The following LPP variants were observed in gnomAD, a reference collection of about 807,000 sequenced individuals.
The protein encoded by LPP is lipoma-preferred partner.
LPP carries 38 observed loss-of-function variants against 60.4 expected under a neutral mutation model. The observed-to-expected ratio is 0.63, with a 90% CI of 0.49 to 0.83. LPP has a LOEUF of 0.83. LPP is among the 40% of genes least tolerant of loss of function. LPP has a pLI of 0.00. For missense variants in LPP, 902 were observed against 783.6 expected (o/e 1.15, Z -1.80); for synonymous variants, 328 against 290.8 (o/e 1.13, Z -1.30).
intron 6 of LPP, among the ~76,000 whole-genome samples, chr3:188,608,502 C>T (rs925394868): frequency 3.0e-4 from 10 of 33,376 alleles, no homozygotes; most frequent in African/African-American, 5.7e-4. Context: ...GATATATTTC[C>T]GGGCTCTCTG....
In LPP at chr3:188,715,773, A is replaced by T. The variant is rs573265686; in HGVS notation, c.1240+7380A>T. 1.1e-4 allele frequency among the ~76,000 whole-genome samples: 16 copies of T among 152,310 alleles called. No individual in the cohort carries two copies. The East Asian group carries it at 2.9e-3, about 28-fold the overall frequency. ...TAAGAGAAAGCGTGTTTGTATATGA[A>T]GCTTTTCATACATGCATGTCTGTGA... On this transcript the variant is annotated intron_variant, in intron 8 of 11. Coordinates refer to ENST00000617246, the MANE Select transcript of LPP (RefSeq NM_001375462.1).
At chr3:188,709,272 A>G (rs1236249723) in intron 8 of LPP, 1 of 152,232 alleles carries the variant, frequency 6.6e-6, no homozygotes, top group Non-Finnish European at 1.5e-5. Context: ...AGACAAGCAT[A>G]CAAATAATTA....
At chr3:188,466,223 G>A (rs982170560) in intron 4 of LPP, among the ~76,000 whole-genome samples, 7 of 152,070 alleles carry the variant, frequency 4.6e-5, no homozygotes, top group African/African-American at 1.4e-4. Context: ...GTCATTCATT[G>A]GTATTGTCCA....
chr3:188,520,825 A>G (rs1226149778), intron 5 of LPP, among the ~76,000 whole-genome samples: 1 of 152,218 alleles, frequency 6.6e-6, no homozygotes, highest in African/African-American at 2.4e-5. Context: ...AGCATTAGTC[A>G]GGAGAATCTT....
At chr3:188,851,807 A>G (rs1306906184) in intron 9 of LPP, among the ~76,000 whole-genome samples, 1 of 152,186 alleles carries the variant, frequency 6.6e-6, no homozygotes, top group Non-Finnish European at 1.5e-5. Context: ...TTTACTCCAA[A>G]AATTAGTGTC....
chr3:188,473,530 A>G (rs948539610), intron 4 of LPP, among the ~76,000 whole-genome samples: 3 of 152,190 alleles, frequency 2.0e-5, no homozygotes, highest in African/African-American at 7.2e-5. Flanking sequence ...CCCGACCCCA[A>G]AGATTCTGAA....
rs569714609 is a variant in LPP, at chr3:188,369,821, T to G, written c.-10+28102T>G. 2.6e-5 allele frequency among the ~76,000 whole-genome samples: 4 copies of G among 152,312 alleles called. No individual in the cohort carries two copies. In the South Asian group the frequency reaches 8.3e-4, roughly 32 times the overall value. ...CCTTCCCTAGGCCTGAATTTTACTC[T>G]TTGTAAAAGAATCACAGACTCAGGT... On this transcript the variant is annotated intron_variant, in intron 3 of 11. Coordinates refer to ENST00000617246, the MANE Select transcript of LPP (RefSeq NM_001375462.1).
At chr3:188,730,139 C>G (rs555066606) in intron 8 of LPP, among the ~76,000 whole-genome samples, 1 of 152,138 alleles carries the variant, frequency 6.6e-6, no homozygotes, top group Non-Finnish European at 1.5e-5. Flanking sequence ...AATCATTGTG[C>G]GTATGTGCAT....
At chr3:188,657,606 T>G (rs979250477) in intron 7 of LPP, among the ~76,000 whole-genome samples, 1 of 152,034 alleles carries the variant, frequency 6.6e-6, no homozygotes, top group South Asian at 2.1e-4. Context: ...GAGCCTGATA[T>G]CTATGGGCCT....
rs541796959 is a variant in LPP at position 188,281,809 on chromosome 3, A to T, written c.-67+56282A>T. On this transcript the variant is annotated intron_variant, in intron 2 of 11. Coordinates refer to ENST00000617246, the MANE Select transcript of LPP (RefSeq NM_001375462.1). ...TTTATATACCTGTAAATATATGTTTATTTTTTGCTTTAAAAACCTCAACAG... is the reference window on the plus strand; with the variant it reads ...TTTATATACCTGTAAATATATGTTTTTTTTTTGCTTTAAAAACCTCAACAG... 6.1e-4 allele frequency among the ~76,000 whole-genome samples: 93 copies of T among 152,024 alleles called. 1 individual carries two copies. The highest frequency in any genetic ancestry group is 2.2e-3 in the African/African-American group (90 of 41,482).
intron 2 of LPP, among the ~76,000 whole-genome samples, chr3:188,277,965 T>C (rs902994905): frequency 6.6e-6 from 1 of 152,236 alleles, no homozygotes; most frequent in African/African-American, 2.4e-5. Flanking sequence ...AATCATTTAT[T>C]CTCCATTCCC....
chr3:188,378,534 G>A (rs1775914427), intron 3 of LPP, among the ~76,000 whole-genome samples: 1 of 152,208 alleles, frequency 6.6e-6, no homozygotes. Flanking sequence ...ATAATCTCCT[G>A]ATGTGCCATT....
intron 2 of LPP, among the ~76,000 whole-genome samples, chr3:188,330,734 T>G (rs1477495656): frequency 1.3e-5 from 2 of 152,150 alleles, no homozygotes; most frequent in African/African-American, 4.8e-5. Flanking sequence ...GAATATCACT[T>G]GAGCCTGAGA....
intron 8 of LPP, among the ~76,000 whole-genome samples, chr3:188,751,513 C>A (rs1728059131): frequency 6.6e-6 from 1 of 152,174 alleles, no homozygotes; most frequent in Admixed American, 6.5e-5. Flanking sequence ...AAAAGAAATA[C>A]TACTGTTTCT....
Position 188,252,075 on chromosome 3 carries a change from T to TACACACACACAC in LPP, c.-67+26554_-67+26565dup, listed in dbSNP as rs1187257468. Reference sequence around the variant, plus strand: ...ATATATATATATATATATATATATATACACACACACACACACATATATCAG... The same window carrying TACACACACACAC: ...ATATATATATATATATATATATATATACACACACACACACACACACACACACACATATATCAG... On this transcript the variant is annotated intron_variant, in intron 2 of 11. Transcript: ENST00000617246. Among the ~76,000 whole-genome samples the TACACACACACAC allele has an allele frequency of 5.1e-5, 3 of 58,498 alleles. No homozygotes were observed. In the East Asian group the frequency reaches 1.7e-3, roughly 33 times the overall value. The allele number at this position is 58,498 out of a possible 152,430, so 38.4% of individuals were successfully genotyped here.
In LPP at chr3:188,882,817, C is replaced by CA. The variant is rs1240550994; in HGVS notation, c.*8340dup. 5.5e-6 allele frequency: 1 copy of CA among 182,064 alleles called. No individual in the cohort carries two copies. The highest frequency in any genetic ancestry group is 1.2e-5 in the Non-Finnish European group (1 of 85,590). The allele number at this position is 182,064 out of a possible 1,614,324, so 11.3% of individuals were successfully genotyped here. On this transcript the variant is annotated 3_prime_UTR_variant, in exon 12 of 12. Coordinates refer to ENST00000617246, the MANE Select transcript of LPP (RefSeq NM_001375462.1). ...GCAGTGGCGCAATCTCGGCTCACTGCAAGCTCCGCTTCTCGGGTTCACGCC... is the reference window on the plus strand; with the variant it reads ...GCAGTGGCGCAATCTCGGCTCACTGCAAAGCTCCGCTTCTCGGGTTCACGCC...
chr3:188,424,540 T>C (rs1207199828), intron 4 of LPP, among the ~76,000 whole-genome samples: 2 of 152,208 alleles, frequency 1.3e-5, no homozygotes, highest in Non-Finnish European at 2.9e-5. Context: ...GTAAATTACT[T>C]TGGGCAGTAT....
At chr3:188,667,964 C>T in intron 7 of LPP, among the ~76,000 whole-genome samples, 1 of 151,994 alleles carries the variant, frequency 6.6e-6, no homozygotes, top group South Asian at 2.1e-4. Context: ...TAGACAGTGA[C>T]TCGAGTCATT....
chr3:188,787,354 AAATT>A (rs1425413384), intron 9 of LPP, among the ~76,000 whole-genome samples: 2 of 152,180 alleles, frequency 1.3e-5, no homozygotes, highest in East Asian at 1.9e-4. Context: ...ATTAACTGAA[AAATT>A]AATTAAATAT....
Sources: gnomAD v4.1 joint callset for allele counts (sites outside exome capture counted in the v4.1 genomes callset) on GRCh38, gnomAD v4.1.1 for gene constraint, MANE v1.5 for transcripts, NCBI Gene and HGNC (gene_info 2026-07-23, HGNC 2026-07-21) for gene names.